The following PIWIL2 variants were observed in gnomAD, a reference collection of about 807,000 sequenced individuals.
PIWIL2 encodes piwi-like protein 2.
In PIWIL2, 81 loss-of-function variants were observed where a neutral mutation model predicts 116.5. The ratio of observed to expected loss-of-function variants is 0.70; its 90% CI spans 0.58 to 0.84. PIWIL2 has a LOEUF of 0.84. Ranked by LOEUF, PIWIL2 falls within the 40% of genes least tolerant of loss-of-function variation. The pLI is 0.00. For missense variants in PIWIL2, 1,272 were observed against 1,212.3 expected, an observed-to-expected ratio of 1.05 and a Z score of -0.73; for synonymous variants, 489 against 429.5, an observed-to-expected ratio of 1.14 and a Z score of -1.71.
intron 20 of PIWIL2, among the ~76,000 whole-genome samples, chr8:22,342,497 T>C (rs1462910468): frequency 6.6e-6 from 1 of 152,154 alleles, no homozygotes; most frequent in Non-Finnish European, 1.5e-5. Flanking sequence ...AAGTGATTTT[T>C]GATAAAGGAA....
chr8:22,330,546 C>A (rs4872469), intron 20 of PIWIL2, among the ~76,000 whole-genome samples: 87,951 of 151,148 alleles, frequency 0.58, 27,659 homozygotes, highest in East Asian at 0.82. Context: ...AAAATACACA[C>A]ATTAGCTGGG....
In PIWIL2 at chr8:22,281,463, G is replaced by C. The variant is rs1830500203; in HGVS notation, c.373G>C (p.Val125Leu). 6.2e-7 allele frequency: 1 copy of C among 1,604,034 alleles called. No homozygotes were observed. Among genetic ancestry groups the C allele is most frequent in the African/African-American group, 1.4e-5 (1 of 73,968 alleles). Residue 125 changes from valine to leucine, a missense_variant, in exon 4 of 23, where the codon GTG becomes CTG. Physicochemically the swap from Val to Leu is conservative, Grantham distance 32 (BLOSUM62 1). Coordinates refer to ENST00000356766, the MANE Select transcript of PIWIL2 (RefSeq NM_018068.5). ...ELSPTFWDPKVLAAGDSKMAE... is the reference protein window; with the variant it reads ...ELSPTFWDPKLLAAGDSKMAE... ...CTCTCCCACTTTTTGGGATCCAAAAGTGTTGGCGGCTGGGGACAGCAAGAT... is the reference window on the plus strand; with the variant it reads ...CTCTCCCACTTTTTGGGATCCAAAACTGTTGGCGGCTGGGGACAGCAAGAT...
At chr8:22,302,457 G>A (rs1831073699) in intron 10 of PIWIL2, among the ~76,000 whole-genome samples, 1 of 152,144 alleles carries the variant, frequency 6.6e-6, no homozygotes, top group Non-Finnish European at 1.5e-5. Flanking sequence ...GGGATTACAG[G>A]TGTGAGCTAC....
chr8:22,312,902 A>G (rs1014320440), intron 16 of PIWIL2, among the ~76,000 whole-genome samples: 9 of 152,022 alleles, frequency 5.9e-5, no homozygotes, highest in African/African-American at 2.2e-4. Context: ...CCACCTCCCA[A>G]AGTGCTGGGA....
At chr8:22,300,746 A>C (rs1379190773) in intron 10 of PIWIL2, among the ~76,000 whole-genome samples, 3 of 152,176 alleles carry the variant, frequency 2.0e-5, no homozygotes. Flanking sequence ...TTCCTAGTGA[A>C]TAATGATGTA....
At chr8:22,349,164 C>T (rs987106051) in intron 20 of PIWIL2, among the ~76,000 whole-genome samples, 1 of 150,148 alleles carries the variant, frequency 6.7e-6, no homozygotes, top group African/African-American at 2.4e-5. Context: ...CGCCACCAGG[C>T]CTGGCTTATT....
intron 20 of PIWIL2, among the ~76,000 whole-genome samples, chr8:22,335,483 G>GT (rs1831959329): frequency 6.7e-6 from 1 of 150,248 alleles, no homozygotes; most frequent in African/African-American, 2.5e-5. Flanking sequence ...TTTCTGCCTA[G>GT]TATAGCTATA....
intron 20 of PIWIL2, among the ~76,000 whole-genome samples, chr8:22,320,224 G>GT (rs1381769579): frequency 1.4e-5 from 2 of 148,016 alleles, no homozygotes; most frequent in Admixed American, 6.8e-5. Flanking sequence ...GCCTCCCAAA[G>GT]TGCTAGGATT....
intron 13 of PIWIL2, 122 bp from the exon 14 acceptor site, chr8:22,307,811 A>G (rs1165779827): frequency 1.3e-5 from 9 of 676,522 alleles, no homozygotes; most frequent in South Asian, 4.3e-5. Flanking sequence ...GTCCTTGAAG[A>G]TGTTTGAAAA....
chr8:22,298,369 G>C (rs1477037922), intron 10 of PIWIL2, among the ~76,000 whole-genome samples: 1 of 152,192 alleles, frequency 6.6e-6, no homozygotes, highest in Non-Finnish European at 1.5e-5. Context: ...GCTGGAGGCT[G>C]TACTTCTAAA....
intron 20 of PIWIL2, among the ~76,000 whole-genome samples, chr8:22,333,156 G>A (rs1369348413): frequency 6.6e-6 from 1 of 151,994 alleles, no homozygotes; most frequent in East Asian, 1.9e-4. Flanking sequence ...ACTACGAAAG[G>A]AAGAATAAAA....
At position 22,356,736 on chromosome 8, in the gene PIWIL2, G is replaced by C. The variant is rs1253521709; in HGVS notation, c.*1231G>C. ...TTTGCTGGAATTTTTCTGAATCCAG[G>C]TTAAGATTTCCAGAAGTCAGCTTTG... On this transcript the variant is annotated 3_prime_UTR_variant, in exon 23 of 23. Coordinates refer to ENST00000356766, the MANE Select transcript of PIWIL2 (RefSeq NM_018068.5). 3 of 152,122 alleles carry C rather than the reference G, an allele frequency of 2.0e-5. No homozygotes were observed. The highest frequency in any genetic ancestry group is 7.2e-5 in the African/African-American group (3 of 41,408). 9.4% of individuals were successfully genotyped at this position (152,122 alleles called of 1,614,324 possible). A position where few individuals can be genotyped will look rare whatever the true frequency, so the allele number is the denominator to read the frequency against.
At chr8:22,297,716 G>A (rs999659649) in intron 10 of PIWIL2, among the ~76,000 whole-genome samples, 5 of 152,104 alleles carry the variant, frequency 3.3e-5, no homozygotes, top group Non-Finnish European at 5.9e-5. Context: ...GAGAAGGATC[G>A]GGGTCAGTGG....
chr8:22,279,625 A>C (rs894069821), intron 2 of PIWIL2, 41 bp downstream of exon 2: 1 of 1,554,802 alleles, frequency 6.4e-7, no homozygotes, highest in African/African-American at 1.4e-5. Context: ...CATACAGCTT[A>C]CCTGTGTGCC....
In PIWIL2 at chr8:22,308,035, A is replaced by G. The variant is rs1348077843; in HGVS notation, c.1648A>G (p.Met550Val). Reference protein sequence around the residue: ...AKNEAATNELMRWGLRLQKDV... With the variant: ...AKNEAATNELVRWGLRLQKDV... ...GAACGAGGCAGCCACCAATGAACTG[A>G]TGCGTTGGGGGCTCCGTCTGCAAAA... The change falls in exon 14 of 23, where the codon ATG becomes GTG. Residue 550 changes from methionine to valine, a missense_variant. Coordinates refer to ENST00000356766, the MANE Select transcript of PIWIL2 (RefSeq NM_018068.5). The G allele has an allele frequency of 5.6e-6, 9 of 1,614,018 alleles. No homozygotes were observed. Among genetic ancestry groups the G allele is most frequent in the Non-Finnish European group, 7.6e-6 (9 of 1,179,944 alleles).
Position 22,353,133 on chromosome 8 carries a change from C to G in PIWIL2, c.2578C>G (p.Leu860Val). Residue 860 changes from leucine (L) to valine (V), a missense_variant, in exon 21 of 23, where the codon CTA becomes GTA. Physicochemically the swap from Leu to Val is conservative, Grantham distance 32 (BLOSUM62 1). Coordinates refer to ENST00000356766, the MANE Select transcript of PIWIL2 (RefSeq NM_018068.5). Reference sequence around the variant, plus strand: ...AGTTCAGAAGAAAATCAGTACTAATCTATATCTGGCTGCTCCTCAGAACTT... The same window carrying G: ...AGTTCAGAAGAAAATCAGTACTAATGTATATCTGGCTGCTCCTCAGAACTT... ...FVVQKKISTN[L>V]YLAAPQNFVT... is the part of the protein sequence containing the mutation. 6.2e-7 allele frequency: 1 copy of G among 1,613,620 alleles called. No individual in the cohort carries two copies. Among genetic ancestry groups the G allele is most frequent in the Non-Finnish European group, 8.5e-7 (1 of 1,179,508 alleles).
At chr8:22,285,089 G>A (rs757637059) in intron 6 of PIWIL2, among the ~76,000 whole-genome samples, 4 of 152,066 alleles carry the variant, frequency 2.6e-5, no homozygotes, top group Non-Finnish European at 4.4e-5. Flanking sequence ...TTTTTGTGGT[G>A]AAAACATTTA....
intron 20 of PIWIL2, among the ~76,000 whole-genome samples, chr8:22,319,652 C>T: frequency 6.6e-6 from 1 of 152,202 alleles, no homozygotes; most frequent in Middle Eastern, 3.2e-3. Flanking sequence ...CTGGACAAGG[C>T]ACAGCCGAGG....
Position 22,306,028 on chromosome 8 carries a change from G to C in PIWIL2, c.1545+12G>C, listed in dbSNP as rs201832516. 1,835 of 1,595,294 alleles carry C rather than the reference G, an allele frequency of 1.2e-3. 1 individual carries two copies. The highest frequency in any genetic ancestry group is 1.5e-3 in the Non-Finnish European group (1,687 of 1,162,918). ...TCAGAGCCATGAAGGTTGGAGTCCTGTGTTTTCAGCCGGAAATGCCCACTT... is the reference window on the plus strand; with the variant it reads ...TCAGAGCCATGAAGGTTGGAGTCCTCTGTTTTCAGCCGGAAATGCCCACTT... On this transcript the variant is annotated intron_variant, in intron 13 of 22. Transcript: ENST00000356766.
Sources: gnomAD v4.1 joint callset for allele counts (sites outside exome capture counted in the v4.1 genomes callset) on GRCh38, gnomAD v4.1.1 for gene constraint, MANE v1.5 for transcripts, NCBI Gene and HGNC (gene_info 2026-07-23, HGNC 2026-07-21) for gene names.